The following NELL1 variants were observed in gnomAD, a reference collection of about 807,000 sequenced individuals.
NELL1 encodes neural EGFL like 1.
Under a neutral mutation model 107.4 loss-of-function variants are expected in NELL1, and 76 were observed. That is an observed-to-expected ratio of 0.71 (90% CI 0.59 to 0.86). The LOEUF is 0.86. Ranked by LOEUF, NELL1 falls within the 40% of genes least tolerant of loss-of-function variation. NELL1 has a pLI of 0.00. For synonymous variants in NELL1, 353 were observed against 341.2 expected, an observed-to-expected ratio of 1.03 and a Z score of -0.38; for missense variants, 1,024 against 1,005.5, an observed-to-expected ratio of 1.02 and a Z score of -0.25.
chr11:20,922,855 C>T (rs1850410241), intron 7 of NELL1, among the ~76,000 whole-genome samples: 1 of 152,094 alleles, frequency 6.6e-6, no homozygotes, highest in South Asian at 2.1e-4. Flanking sequence ...ACAATTATTC[C>T]TGCTCTTGTA....
chr11:20,677,608 T>A (rs1254726818), intron 1 of NELL1, among the ~76,000 whole-genome samples: 1 of 152,218 alleles, frequency 6.6e-6, no homozygotes, highest in Non-Finnish European at 1.5e-5. Context: ...CTAAAAATGT[T>A]ACATAAAATG....
At chr11:20,853,992 C>T (rs1848835983) in intron 4 of NELL1, among the ~76,000 whole-genome samples, 1 of 152,064 alleles carries the variant, frequency 6.6e-6, no homozygotes, top group East Asian at 1.9e-4. Flanking sequence ...CCTTTTTATT[C>T]CTGTGAGGAG....
chr11:20,791,301 G>A (rs1857068629), intron 3 of NELL1, among the ~76,000 whole-genome samples: 1 of 151,858 alleles, frequency 6.6e-6, no homozygotes, highest in Admixed American at 6.6e-5. Context: ...CGTGGCTTTT[G>A]TTAATTTATT....
chr11:21,243,013 A>G (rs142609751), intron 14 of NELL1, among the ~76,000 whole-genome samples: 2 of 152,144 alleles, frequency 1.3e-5, no homozygotes, highest in East Asian at 3.9e-4. Flanking sequence ...TTTTCCCCCA[A>G]CTTGGGAATT....
chr11:21,226,495 T>C (rs1442441452), intron 13 of NELL1, among the ~76,000 whole-genome samples: 1 of 152,210 alleles, frequency 6.6e-6, no homozygotes, highest in East Asian at 1.9e-4. Flanking sequence ...TCTAAGTTTC[T>C]TCATTGTAAA....
intron 12 of NELL1, among the ~76,000 whole-genome samples, chr11:21,013,484 A>G (rs1852495484): frequency 6.6e-6 from 1 of 152,160 alleles, no homozygotes; most frequent in African/African-American, 2.4e-5. Flanking sequence ...GGAAGTAACC[A>G]GCCAGAAGAT....
In NELL1 at chr11:21,407,954, T is replaced by G. The variant is rs146006972; in HGVS notation, c.1645+37006T>G. ...TTCTTCCAGCTGAATGGCATCTCTT[T>G]CTCCTTGGAACCCCTATAATATGCT... On this transcript the variant is annotated intron_variant, in intron 15 of 19. Transcript: ENST00000357134. Among the ~76,000 whole-genome samples the G allele has an allele frequency of 7.9e-5, 12 of 152,052 alleles. No homozygotes were observed. The East Asian group carries it at 2.3e-3, about 30-fold the overall frequency.
chr11:20,752,938 CT>C (rs1254084374), intron 2 of NELL1, among the ~76,000 whole-genome samples: 2 of 152,104 alleles, frequency 1.3e-5, no homozygotes, highest in Admixed American at 6.6e-5. Flanking sequence ...GGGTGCTGTG[CT>C]TGAAATAGAA....
intron 2 of NELL1, among the ~76,000 whole-genome samples, chr11:20,706,236 T>C (rs1413321967): frequency 1.3e-5 from 2 of 152,162 alleles, no homozygotes; most frequent in East Asian, 1.9e-4. Context: ...ATTGTGGCAC[T>C]ATTCACAATA....
At chr11:20,888,982 G>A (rs1288196141) in intron 5 of NELL1, among the ~76,000 whole-genome samples, 1 of 152,186 alleles carries the variant, frequency 6.6e-6, no homozygotes, top group African/African-American at 2.4e-5. Flanking sequence ...TTGTTTGCTT[G>A]ATCACATTTG....
At chr11:21,528,301 G>T (rs1304116855) in intron 15 of NELL1, among the ~76,000 whole-genome samples, 1 of 152,130 alleles carries the variant, frequency 6.6e-6, no homozygotes, top group Non-Finnish European at 1.5e-5. Context: ...AATTCATGCT[G>T]ATTTTGATCT....
chr11:20,812,875 G>C (rs1251056097), intron 3 of NELL1, among the ~76,000 whole-genome samples: 1 of 150,710 alleles, frequency 6.6e-6, no homozygotes, highest in Non-Finnish European at 1.5e-5. Flanking sequence ...GGGCGAGGTG[G>C]CGGGCGCCTG....
At chr11:21,291,537 A>G (rs1849262502) in intron 14 of NELL1, among the ~76,000 whole-genome samples, 1 of 152,196 alleles carries the variant, frequency 6.6e-6, no homozygotes, top group Non-Finnish European at 1.5e-5. Flanking sequence ...TTTCCAAACA[A>G]TAGAAAAATA....
chr11:21,108,277 T>C (rs1212591054), intron 12 of NELL1, among the ~76,000 whole-genome samples: 7 of 152,288 alleles, frequency 4.6e-5, no homozygotes, highest in African/African-American at 1.7e-4. Flanking sequence ...CCTTCTAATT[T>C]AATGATGATG....
At chr11:21,461,876 A>G (rs17233374) in intron 15 of NELL1, among the ~76,000 whole-genome samples, 20,983 of 152,092 alleles carry the variant, frequency 0.14, 1,591 homozygotes, top group Admixed American at 0.14. Context: ...TGGAAACTAC[A>G]AAACAGCCCC....
chr11:21,034,970 T>G (rs1191534343), intron 12 of NELL1, among the ~76,000 whole-genome samples: 2 of 151,730 alleles, frequency 1.3e-5, no homozygotes, highest in African/African-American at 2.4e-5. Context: ...TTGAAAAAAC[T>G]CAGGAAAATA....
At chr11:21,385,341 AGTTTC>A (rs1851718429) in intron 15 of NELL1, among the ~76,000 whole-genome samples, 1 of 151,930 alleles carries the variant, frequency 6.6e-6, no homozygotes, top group Non-Finnish European at 1.5e-5. Flanking sequence ...AAGCTCTTTT[AGTTTC>A]GTATTAGTCT....
intron 15 of NELL1, among the ~76,000 whole-genome samples, chr11:21,407,231 C>T (rs946999516): frequency 1.1e-4 from 16 of 152,108 alleles, no homozygotes; most frequent in Middle Eastern, 3.4e-3. Context: ...GCCTGGGCAA[C>T]ATGGTGAAAC....
chr11:20,842,372 A>T (rs1327055282), intron 3 of NELL1, among the ~76,000 whole-genome samples: 1 of 88,724 alleles, frequency 1.1e-5, no homozygotes, highest in Non-Finnish European at 2.1e-5. Flanking sequence ...GACTCCGTTT[A>T]AAAAAAAAAA....
Sources: allele counts gnomAD v4.1 joint callset (sites outside exome capture counted in the v4.1 genomes callset), GRCh38; gene constraint gnomAD v4.1.1; transcripts MANE v1.5; gene names NCBI Gene and HGNC (gene_info 2026-07-23, HGNC 2026-07-21).